BOC: variants seen among roughly 807,000 people sequenced by gnomAD.
BOC encodes the protein BOC cell adhesion associated, oncogene regulated.
In BOC, 76 loss-of-function variants were observed where a neutral mutation model predicts 112.0. The observed-to-expected ratio is 0.68, with a 90% CI of 0.56 to 0.82. The LOEUF (loss-of-function observed/expected upper bound fraction) is 0.82. BOC is among the 40% of genes least tolerant of loss of function. The probability of loss-of-function intolerance (pLI) is 0.00; values close to 1 mark genes in which losing one functional copy is unlikely to be tolerated. For synonymous variants in BOC, 580 were observed against 599.8 expected (o/e 0.97, Z 0.48); for missense variants, 1,309 against 1,511.7 (o/e 0.87, Z 2.22).
Position 113,216,218 on chromosome 3 carries a change from C to T in BOC, c.-138C>T, listed in dbSNP as rs1218795643. The T allele has an allele frequency of 4.4e-6, 2 of 456,540 alleles. No individual in the cohort carries two copies. The highest frequency in any genetic ancestry group is 8.8e-6 in the Non-Finnish European group (2 of 226,958). The allele number at this position is 456,540 out of a possible 1,614,324, so 28.3% of individuals were successfully genotyped here. A position where few individuals can be genotyped will look rare whatever the true frequency, so the allele number is the denominator to read the frequency against. ...AACAAGCTTCCTGGAACCCATGACC[C>T]ATGAAGTCTTGTCGACATTTATACC... On this transcript the variant is annotated 5_prime_UTR_variant, in exon 2 of 20. Transcript: ENST00000682979.
intron 1 of BOC, among the ~76,000 whole-genome samples, chr3:113,214,487 G>T (rs77058479): frequency 0.037 from 5,599 of 152,276 alleles, 123 homozygotes; most frequent in East Asian, 0.044. Flanking sequence ...ACTGATGTGG[G>T]TAATGAATTA....
chr3:113,268,304 C>T lies in BOC; in HGVS notation c.382C>T (p.Gln128Ter). 1 of 1,614,104 alleles carries T rather than the reference C, an allele frequency of 6.2e-7. No individual in the cohort carries two copies. Among genetic ancestry groups the T allele is most frequent in the Non-Finnish European group, 8.5e-7 (1 of 1,180,014 alleles). Residue 128 changes from glutamine to a stop codon, truncating the protein, a stop_gained, in exon 5 of 20, where the codon CAG becomes TAG. Transcript: ENST00000682979. LOFTEE classifies it high-confidence loss of function. ...VPATVTLANL[Q>*]DFKLDVQHVI... is the part of the protein sequence containing the mutation. Reference sequence around the variant, plus strand: ...ACCTTCCCTTCTCTTCACAGATCTCCAGGACTTCAAGTTAGATGTGCAGCA... The same window carrying T: ...ACCTTCCCTTCTCTTCACAGATCTCTAGGACTTCAAGTTAGATGTGCAGCA...
Position 113,238,408 on chromosome 3 carries a change from G to GA in BOC, c.-81-11305dup, listed in dbSNP as rs1013777366. On this transcript the variant is annotated intron_variant, in intron 2 of 19. Coordinates refer to ENST00000682979, the MANE Select transcript of BOC (RefSeq NM_001378074.1). ...TTTTCTTTAACTGAACTCCAAATAG[G>GA]AAAAAAAAATCATAATTCCTCCACA... Among the ~76,000 whole-genome samples, 207 of 151,004 alleles carry GA rather than the reference G, an allele frequency of 1.4e-3. 1 individual carries two copies. The highest frequency in any genetic ancestry group is 3.8e-3 in the African/African-American group (158 of 41,212).
At chr3:113,218,140 C>T (rs145703537) in intron 2 of BOC, among the ~76,000 whole-genome samples, 1 of 152,310 alleles carries the variant, frequency 6.6e-6, no homozygotes, top group East Asian at 1.9e-4. Context: ...ATGGGAGCTA[C>T]AGGTGAGGAA....
rs575493725 is a variant in BOC at position 113,278,450 on chromosome 3, G to C, written c.1705+193G>C. 6.6e-6 allele frequency among the ~76,000 whole-genome samples: 1 copy of C among 152,060 alleles called. No individual in the cohort carries two copies. The highest frequency in any genetic ancestry group is 2.1e-4 in the South Asian group (1 of 4,810). ...CTCTCATCAGGAGAGTAGCCAGCCG[G>C]CCTCTCTGGCACCCCTTCATCCCTC... On this transcript the variant is annotated intron_variant, in intron 10 of 19. Coordinates refer to ENST00000682979, the MANE Select transcript of BOC (RefSeq NM_001378074.1). This position sits in a 1 kb window ranked among gnomAD's most constrained non-coding sequence, Gnocchi z 4.2.
chr3:113,253,103 T>C (rs1241584795), intron 4 of BOC, among the ~76,000 whole-genome samples: 1 of 152,232 alleles, frequency 6.6e-6, no homozygotes, highest in Non-Finnish European at 1.5e-5. Context: ...TATCTTCATA[T>C]AACCACCACC....
At chr3:113,223,257 G>A (rs1366702861) in intron 2 of BOC, among the ~76,000 whole-genome samples, 1 of 152,156 alleles carries the variant, frequency 6.6e-6, no homozygotes, top group African/African-American at 2.4e-5. Context: ...GTTTTGTTTT[G>A]TTTTGCTTTT....
At chr3:113,258,154 C>G (rs1375941262) in intron 4 of BOC, among the ~76,000 whole-genome samples, 1 of 152,184 alleles carries the variant, frequency 6.6e-6, no homozygotes, top group Non-Finnish European at 1.5e-5. Context: ...TACAAGACAA[C>G]CTTGATTTTT....
Position 113,272,553 on chromosome 3 carries a change from G to A in BOC, c.811G>A (p.Val271Ile), listed in dbSNP as rs764454159. The change falls in exon 7 of 20, where the codon GTC becomes ATC. Residue 271 changes from valine to isoleucine, a missense_variant. Physicochemically the swap from Val to Ile is conservative, Grantham distance 29. Transcript: ENST00000682979. The part of the protein sequence containing the change: ...RVTWAKDGSS[V>I]TGYNKTRFLL... Reference sequence around the variant, plus strand: ...CACCTGGGCCAAGGATGGGTCCAGTGTCACCGGCTACAACAAGACGCGCTT... The same window carrying A: ...CACCTGGGCCAAGGATGGGTCCAGTATCACCGGCTACAACAAGACGCGCTT... The A allele has an allele frequency of 2.5e-6, 4 of 1,613,968 alleles. No individual in the cohort carries two copies. Among genetic ancestry groups the A allele is most frequent in the East Asian group, 4.5e-5 (2 of 44,870 alleles).
In BOC at chr3:113,275,187, G is replaced by A. The variant is rs555204462; in HGVS notation, c.1542+505G>A. 8.4e-4 allele frequency among the ~76,000 whole-genome samples: 128 copies of A among 152,330 alleles called. No individual in the cohort carries two copies. The South Asian group carries it at 0.022, about 26-fold the overall frequency. On this transcript the variant is annotated intron_variant, in intron 9 of 19. Coordinates refer to ENST00000682979, the MANE Select transcript of BOC (RefSeq NM_001378074.1). ...TTTCTCTGTAGGCTGTGAAACACCC[G>A]CTCAGTTCTCAGAATCTGTCATGGC...
chr3:113,233,149 GT>G (rs376702924), intron 2 of BOC, among the ~76,000 whole-genome samples: 2,393 of 14,390 alleles, frequency 0.17, 99 homozygotes, highest in African/African-American at 0.35. Flanking sequence ...AAGGATTGGG[GT>G]GTGTGTGTGT....
At chr3:113,261,494 A>AG (rs1946871603) in intron 4 of BOC, among the ~76,000 whole-genome samples, 1 of 152,178 alleles carries the variant, frequency 6.6e-6, no homozygotes, top group African/African-American at 2.4e-5. Flanking sequence ...GCGGCCCTGA[A>AG]GTCGGGTAGA....
At chr3:113,218,864 C>T (rs1006448837) in intron 2 of BOC, among the ~76,000 whole-genome samples, 3 of 152,196 alleles carry the variant, frequency 2.0e-5, no homozygotes, top group Non-Finnish European at 4.4e-5. Flanking sequence ...GCAAGTGTCA[C>T]TGGGTGGTCT....
intron 2 of BOC, among the ~76,000 whole-genome samples, chr3:113,247,523 A>C (rs1945081118): frequency 6.6e-6 from 1 of 150,834 alleles, no homozygotes; most frequent in Admixed American, 6.6e-5. Context: ...AAAAAGGGAA[A>C]AAGGCTACTA....
rs149767369 is a variant in BOC at position 113,265,824 on chromosome 3, G to A, written c.377-2475G>A. On this transcript the variant is annotated intron_variant, in intron 4 of 19. Transcript: ENST00000682979. ...ATGAAAGCAGAGCATTAAACTGGGT[G>A]TTACCCCATCAAGTGCAGAGGCAGG... 5.0e-4 allele frequency among the ~76,000 whole-genome samples: 76 copies of A among 152,368 alleles called. 3 individuals carry two copies. In the East Asian group the frequency reaches 0.013, roughly 26 times the overall value.
chr3:113,254,602 G>A (rs1024838945), intron 4 of BOC, among the ~76,000 whole-genome samples: 2 of 152,260 alleles, frequency 1.3e-5, no homozygotes, highest in African/African-American at 4.8e-5. Flanking sequence ...TGCATTTAGA[G>A]GAAAGACTGG....
At chr3:113,236,439 T>G (rs1035304592) in intron 2 of BOC, among the ~76,000 whole-genome samples, 2 of 143,816 alleles carry the variant, frequency 1.4e-5, no homozygotes, top group African/African-American at 5.2e-5. Flanking sequence ...CCACATGTTC[T>G]CACTTGTAAA....
At position 113,278,115 on chromosome 3, in the gene BOC, C is replaced by T. The variant is rs757115927; in HGVS notation, c.1563C>T (p.Asp521=). Residue 521 remains aspartate, a synonymous_variant, in exon 10 of 20, where the codon GAC becomes GAT. Coordinates refer to ENST00000682979, the MANE Select transcript of BOC (RefSeq NM_001378074.1). This position sits in a 1 kb window ranked among gnomAD's most constrained non-coding sequence, Gnocchi z 4.2. ...TCCAGCAGGTCACAAATTCCTCTGA[C>T]GATTGGACCATCTCTGGCATTCCAG... ...KHRKQVTNSS[D]DWTISGIPAN... 22 of 1,614,096 alleles carry T rather than the reference C, an allele frequency of 1.4e-5. No homozygotes were observed. Among genetic ancestry groups the T allele is most frequent in the South Asian group, 6.6e-5 (6 of 91,090 alleles).
At chr3:113,280,936 C>G in intron 14 of BOC, 95 bp from the exon 15 acceptor site, 1 of 1,529,208 alleles carries the variant, frequency 6.5e-7, no homozygotes, top group Non-Finnish European at 8.9e-7. Context: ...GGCATCCTCC[C>G]CCACACACTG....
Sources: allele counts gnomAD v4.1 joint callset (sites outside exome capture counted in the v4.1 genomes callset), GRCh38; gene constraint gnomAD v4.1.1; non-coding constraint Gnocchi (gnomAD v3.1); transcripts MANE v1.5; gene names NCBI Gene and HGNC (gene_info 2026-07-23, HGNC 2026-07-21).